The following IL17REL variants were observed in gnomAD, a reference collection of about 807,000 sequenced individuals.
IL17REL encodes interleukin 17 receptor E like, also known as interleukin-17 receptor E-like protein.
In IL17REL, 36 loss-of-function variants were observed where a neutral mutation model predicts 49.0. That is an observed-to-expected ratio of 0.73 (90% CI 0.56 to 0.97). The LOEUF (loss-of-function observed/expected upper bound fraction) is 0.97. IL17REL is among the 50% of genes least tolerant of loss of function. The pLI is 0.00. For missense variants in IL17REL, 470 were observed against 453.9 expected, an observed-to-expected ratio of 1.04 and a Z score of -0.32; for synonymous variants, 206 against 192.4, an observed-to-expected ratio of 1.07 and a Z score of -0.58.
chr22:50,003,443 C>T (rs1327880794), intron 1 of IL17REL, among the ~76,000 whole-genome samples: 2 of 149,062 alleles, frequency 1.3e-5, no homozygotes, highest in African/African-American at 4.9e-5. Context: ...ATCGCTTGAA[C>T]CCAGGAGGCA....
intron 1 of IL17REL, among the ~76,000 whole-genome samples, chr22:50,003,856 G>A (rs2061093011): frequency 1.3e-5 from 2 of 152,122 alleles, no homozygotes. Context: ...CAATACTGCA[G>A]GGGGGACCCT....
At chr22:49,996,841 T>A (rs2061037735) in exon 13 of IL17REL, 4 of 558,820 alleles carry the variant, frequency 7.2e-6, no homozygotes. Flanking sequence ...GACGGAGAAG[T>A]GTACATCGGT....
chr22:50,007,568 C>A (rs1047263778), intron 1 of IL17REL, among the ~76,000 whole-genome samples: 1 of 151,886 alleles, frequency 6.6e-6, no homozygotes, highest in Non-Finnish European at 1.5e-5. Flanking sequence ...TTAGTACAGA[C>A]AGGTTTCACC....
At chr22:49,992,398 G>C (rs528149318), downstream of IL17REL, among the ~76,000 whole-genome samples, 1 of 152,166 alleles carries the variant, frequency 6.6e-6, no homozygotes, top group Admixed American at 6.5e-5. Context: ...ACATCACCTT[G>C]TCTGAGCCTC....
chr22:49,997,638 ATG>A (rs2061045108), intron 10 of IL17REL, 45 bp downstream of exon 12: 2 of 1,557,148 alleles, frequency 1.3e-6, no homozygotes, highest in Non-Finnish European at 1.8e-6. Context: ...GATATAAAGG[ATG>A]TTCTGTGCTG....
At chr22:50,002,830 G>T (rs962231682) in intron 1 of IL17REL, among the ~76,000 whole-genome samples, 2 of 152,200 alleles carry the variant, frequency 1.3e-5, no homozygotes, top group Non-Finnish European at 2.9e-5. Flanking sequence ...ACTGTAGTCC[G>T]GATGGACTCA....
At chr22:50,001,055 A>C (rs2061076756) in intron 2 of IL17REL, 27 bp downstream of exon 3, 2 of 1,512,050 alleles carry the variant, frequency 1.3e-6, no homozygotes. Flanking sequence ...GCGGGTGTTA[A>C]CTCCCACCCT....
chr22:50,003,519 C>CAAAA (rs142337526), intron 1 of IL17REL, among the ~76,000 whole-genome samples: 3,233 of 39,056 alleles, frequency 0.083, 341 homozygotes, highest in Middle Eastern at 0.12. Context: ...GACTCCATCT[C>CAAAA]AAAAAAAAAA....
chr22:49,999,292 G>GT lies in IL17REL; in HGVS notation c.599dup (p.Asn200LysfsTer4). 1 of 1,612,990 alleles carries GT rather than the reference G, an allele frequency of 6.2e-7. No homozygotes were observed. Among genetic ancestry groups the GT allele is most frequent in the African/African-American group, 1.3e-5 (1 of 75,032 alleles). Reference sequence around the variant, plus strand: ...CCGTTGGCATCGCAGGACACTTGCCGTTTTCAAAGGGGCAGATCTGGATCC... The same window carrying GT: ...CCGTTGGCATCGCAGGACACTTGCCGTTTTTCAAAGGGGCAGATCTGGATCC... On this transcript the variant is annotated frameshift_variant and splice_region_variant, in exon 7 of 13. Transcript: ENST00000341280. LOFTEE classifies it high-confidence loss of function.
chr22:50,001,964 C>A (rs531998699), intron 1 of IL17REL, among the ~76,000 whole-genome samples: 1 of 152,198 alleles, frequency 6.6e-6, no homozygotes, highest in Non-Finnish European at 1.5e-5. Context: ...TGCTGCTCAG[C>A]GGAGCCCACA....
At chr22:49,993,894 G>A (rs1283246020), downstream of IL17REL, among the ~76,000 whole-genome samples, 2 of 152,140 alleles carry the variant, frequency 1.3e-5, no homozygotes, top group African/African-American at 2.4e-5. The surrounding 1 kb of genome is among the most constrained non-coding windows in gnomAD (Gnocchi z 6.0). Flanking sequence ...CTGGGGCGGG[G>A]ACTGCCCTGC....
At chr22:49,998,414 G>T in intron 7 of IL17REL, 105 bp from the exon 10 acceptor site, 2 of 990,436 alleles carry the variant, frequency 2.0e-6, no homozygotes, top group Non-Finnish European at 2.7e-6. Context: ...AGGGTCCAGC[G>T]CAGTCCTATG....
intron 1 of IL17REL, among the ~76,000 whole-genome samples, chr22:50,004,987 A>AG: frequency 6.6e-6 from 1 of 151,402 alleles, no homozygotes; most frequent in East Asian, 1.9e-4. Flanking sequence ...AAAAAAAAAA[A>AG]AAAAAGGTGA....
At chr22:50,012,315 C>T (rs888432779), upstream of IL17REL, among the ~76,000 whole-genome samples, 6 of 152,194 alleles carry the variant, frequency 3.9e-5, no homozygotes, top group African/African-American at 7.2e-5. Context: ...CAGGTGGGTC[C>T]GAGGTGGGCT....
chr22:50,000,785 C>G, exon 3 of IL17REL: 1 of 1,599,256 alleles, frequency 6.3e-7, no homozygotes, highest in South Asian at 1.1e-5. Flanking sequence ...GTGGGAGGCC[C>G]TGGCCACCCA....
intron 1 of IL17REL, among the ~76,000 whole-genome samples, chr22:50,002,891 A>G (rs571021475): frequency 5.3e-5 from 8 of 152,316 alleles, no homozygotes; most frequent in Non-Finnish European, 1.2e-4. Flanking sequence ...ACCAAGGCAA[A>G]ATCCATGAGC....
exon 12 of IL17REL, chr22:49,997,037 T>C (rs1445506179): frequency 3.2e-6 from 5 of 1,560,198 alleles, no homozygotes; most frequent in Middle Eastern, 1.7e-4. Context: ...CCTGGGAAGG[T>C]CTAGGAAGGC....
chr22:49,992,590 G>A (rs188738031), downstream of IL17REL, among the ~76,000 whole-genome samples: 121 of 152,142 alleles, frequency 8.0e-4, no homozygotes, highest in Non-Finnish European at 1.3e-3. Flanking sequence ...ACCATGCCTG[G>A]CCCCACCCTA....
downstream of IL17REL, among the ~76,000 whole-genome samples, chr22:49,993,972 A>G (rs2061018828): frequency 6.6e-6 from 1 of 152,030 alleles, no homozygotes; most frequent in African/African-American, 2.4e-5. The surrounding 1 kb of genome is among the most constrained non-coding windows in gnomAD (Gnocchi z 6.0). Flanking sequence ...GAGAGAGCAG[A>G]GTGGCAGCTT....
Sources: gnomAD v4.1 joint callset for allele counts (sites outside exome capture counted in the v4.1 genomes callset) on GRCh38, gnomAD v4.1.1 for gene constraint, Gnocchi (gnomAD v3.1) non-coding constraint, MANE v1.5 for transcripts, NCBI Gene and HGNC (gene_info 2026-07-23, HGNC 2026-07-21) for gene names.